The following MLIP variants were observed in gnomAD, a reference collection of about 807,000 sequenced individuals.
MLIP encodes the protein muscular LMNA-interacting protein.
MLIP carries 79 observed loss-of-function variants against 84.8 expected under a neutral mutation model. That is an observed-to-expected ratio of 0.93 (90% CI 0.78 to 1.12). The LOEUF (loss-of-function observed/expected upper bound fraction) is 1.12, where lower values mean the gene tolerates loss of function less well. MLIP is among the 50% of genes most tolerant of loss of function. MLIP has a pLI of 0.00. For missense variants in MLIP, 1,257 were observed against 1,160.6 expected (o/e 1.08, Z -1.21); for synonymous variants, 504 against 463.0 (o/e 1.09, Z -1.14).
intron 9 of MLIP, among the ~76,000 whole-genome samples, chr6:54,179,952 G>C (rs1420220156): frequency 6.6e-6 from 1 of 152,098 alleles, no homozygotes; most frequent in South Asian, 2.1e-4. Flanking sequence ...TCAAATTGAA[G>C]AGCCCTCTTT....
chr6:54,026,540 T>C (rs1763812124), intron 1 of MLIP, among the ~76,000 whole-genome samples: 1 of 152,184 alleles, frequency 6.6e-6, no homozygotes, highest in South Asian at 2.1e-4. Context: ...AAAGGAAATA[T>C]GCTATGATAG....
At chr6:54,219,279 A>G (rs1780061026) in intron 11 of MLIP, among the ~76,000 whole-genome samples, 1 of 151,414 alleles carries the variant, frequency 6.6e-6, no homozygotes, top group Non-Finnish European at 1.5e-5. Context: ...GCTGTACAAA[A>G]ATATTTTTTA....
At chr6:54,103,334 A>G (rs1245872039) in intron 1 of MLIP, among the ~76,000 whole-genome samples, 5 of 152,152 alleles carry the variant, frequency 3.3e-5, no homozygotes, top group African/African-American at 1.2e-4. Flanking sequence ...AAGTAGTCTG[A>G]TTATGTCTTG....
At chr6:54,121,145 C>T (rs77032873) in intron 1 of MLIP, among the ~76,000 whole-genome samples, 7,036 of 152,244 alleles carry the variant, frequency 0.046, 298 homozygotes, top group East Asian at 0.23. Flanking sequence ...GATGACCCCA[C>T]TGAGGCAGAA....
chr6:54,230,510 G>A (rs978339189), intron 11 of MLIP, among the ~76,000 whole-genome samples: 1 of 152,112 alleles, frequency 6.6e-6, no homozygotes, highest in Admixed American at 6.5e-5. Flanking sequence ...AGAAGAGGCT[G>A]GAGGCAGGGA....
intron 1 of MLIP, among the ~76,000 whole-genome samples, chr6:54,118,229 A>G (rs1014879696): frequency 2.6e-5 from 4 of 152,348 alleles, no homozygotes; most frequent in Admixed American, 2.6e-4. Context: ...AGCAACAAGA[A>G]CAAAGCTGGA....
intron 12 of MLIP, among the ~76,000 whole-genome samples, chr6:54,233,307 T>G (rs1005778278): frequency 1.3e-5 from 2 of 152,176 alleles, no homozygotes; most frequent in Non-Finnish European, 2.9e-5. Context: ...TAGGTATTTC[T>G]CCTAATGCTA....
intron 1 of MLIP, among the ~76,000 whole-genome samples, chr6:54,075,623 G>T (rs1446159724): frequency 1.3e-5 from 2 of 152,026 alleles, no homozygotes; most frequent in Non-Finnish European, 2.9e-5. Flanking sequence ...TTCCAGACTG[G>T]AAATGTTTAA....
intron 10 of MLIP, among the ~76,000 whole-genome samples, chr6:54,200,158 G>A (rs951389906): frequency 9.9e-5 from 15 of 152,100 alleles, no homozygotes; most frequent in African/African-American, 3.6e-4. Context: ...TGTCACCCTG[G>A]AAAGGACTGA....
At chr6:54,025,699 T>C (rs571033903) in intron 1 of MLIP, among the ~76,000 whole-genome samples, 109 of 152,220 alleles carry the variant, frequency 7.2e-4, no homozygotes, top group African/African-American at 2.4e-3. Context: ...ACAATTTTGA[T>C]GGTAGAGGAT....
chr6:54,071,258 T>C (rs1766468081), intron 1 of MLIP, among the ~76,000 whole-genome samples: 2 of 152,102 alleles, frequency 1.3e-5, no homozygotes, highest in South Asian at 4.1e-4. Flanking sequence ...GTAACAATGG[T>C]ATATATTTTA....
At chr6:54,233,840 A>G (rs1427341260) in intron 12 of MLIP, among the ~76,000 whole-genome samples, 3 of 152,140 alleles carry the variant, frequency 2.0e-5, no homozygotes, top group Admixed American at 2.0e-4. Flanking sequence ...TTCTCTCTCC[A>G]GATCTTCTCC....
chr6:54,135,925 A>G (rs1294244611), intron 3 of MLIP, among the ~76,000 whole-genome samples: 1 of 151,804 alleles, frequency 6.6e-6, no homozygotes. Flanking sequence ...TGGTTTCTTT[A>G]TTTCCTCTTT....
intron 1 of MLIP, among the ~76,000 whole-genome samples, chr6:54,089,426 G>A (rs1464938827): frequency 1.3e-5 from 2 of 152,074 alleles, no homozygotes; most frequent in Non-Finnish European, 2.9e-5. Flanking sequence ...ATTCAAAGCT[G>A]TACTTTTTCT....
intron 1 of MLIP, among the ~76,000 whole-genome samples, chr6:54,070,311 T>C (rs887498046): frequency 6.6e-6 from 1 of 152,164 alleles, no homozygotes; most frequent in African/African-American, 2.4e-5. Context: ...GTTAGATTTT[T>C]TTGTATTTTT....
chr6:54,042,058 G>A (rs1428838786), intron 1 of MLIP, among the ~76,000 whole-genome samples: 2 of 151,976 alleles, frequency 1.3e-5, no homozygotes, highest in Admixed American at 1.3e-4. Flanking sequence ...GTGGGGGTAG[G>A]GTGGATCCCT....
intron 11 of MLIP, chr6:54,203,580 C>T (rs1477561571): frequency 6.6e-6 from 1 of 151,742 alleles, no homozygotes; most frequent in African/African-American, 2.4e-5. Context: ...CAGTTTCTTT[C>T]TTTCTTCCTT....
At chr6:54,047,778 C>G (rs1298399124) in intron 1 of MLIP, among the ~76,000 whole-genome samples, 1 of 152,216 alleles carries the variant, frequency 6.6e-6, no homozygotes, top group Admixed American at 6.5e-5. Context: ...GTGACAGTTA[C>G]TGTGCTATGC....
chr6:54,072,427 T>TCATCAGAAA (rs1395679210), intron 1 of MLIP, among the ~76,000 whole-genome samples: 1 of 152,182 alleles, frequency 6.6e-6, no homozygotes, highest in African/African-American at 2.4e-5. Context: ...AATGGGTCTG[T>TCATCAGAAA]TACTGGGCAG....
Sources: gnomAD v4.1 joint callset for allele counts (sites outside exome capture counted in the v4.1 genomes callset) on GRCh38, gnomAD v4.1.1 for gene constraint, MANE v1.5 for transcripts, NCBI Gene and HGNC (gene_info 2026-07-23, HGNC 2026-07-21) for gene names.